Variants in OCA2 observed in about 807,000 individuals in gnomAD.
OCA2 encodes the protein OCA2 melanosomal transmembrane protein, also known as P protein.
OCA2 carries 77 observed loss-of-function variants against 100.2 expected under a neutral mutation model. The ratio of observed to expected loss-of-function variants is 0.77; its 90% CI spans 0.64 to 0.93. The LOEUF is 0.93. Among genes scored for constraint, OCA2 ranks in the 40% least tolerant of loss-of-function variants. OCA2 has a pLI of 0.00. For synonymous variants in OCA2, 432 were observed against 439.2 expected (o/e 0.98, Z 0.21); for missense variants, 1,062 against 1,089.1 (o/e 0.98, Z 0.35).
chr15:27,854,692 G>A (rs141929474), intron 21 of OCA2, among the ~76,000 whole-genome samples: 1 of 152,172 alleles, frequency 6.6e-6, no homozygotes, highest in African/African-American at 2.4e-5. Context: ...TCGGAGGAGT[G>A]AGCGAAGTGC....
At chr15:28,040,124 G>A (rs919974840) in intron 2 of OCA2, among the ~76,000 whole-genome samples, 2 of 152,092 alleles carry the variant, frequency 1.3e-5, no homozygotes, top group African/African-American at 4.8e-5. Context: ...CATGTGAAGA[G>A]GAAGGAAGAG....
intron 18 of OCA2, among the ~76,000 whole-genome samples, chr15:27,936,835 T>A (rs2703952): frequency 2.0e-4 from 30 of 152,172 alleles, no homozygotes; most frequent in African/African-American, 7.2e-4. Context: ...ACCTGGAAGC[T>A]TCTGCGTGGT....
At chr15:28,091,872 T>C (rs1388648685) in intron 1 of OCA2, among the ~76,000 whole-genome samples, 2 of 152,088 alleles carry the variant, frequency 1.3e-5, no homozygotes, top group African/African-American at 2.4e-5. Flanking sequence ...AGGAGAATCA[T>C]TTAAATCCAG....
At chr15:27,923,579 T>C (rs1398758455) in intron 19 of OCA2, among the ~76,000 whole-genome samples, 2 of 152,228 alleles carry the variant, frequency 1.3e-5, no homozygotes, top group African/African-American at 4.8e-5. Flanking sequence ...TGGCATTGCA[T>C]TGTAGTTTTG....
At chr15:27,811,795 C>T (rs1478280240) in intron 23 of OCA2, among the ~76,000 whole-genome samples, 1 of 152,066 alleles carries the variant, frequency 6.6e-6, no homozygotes, top group African/African-American at 2.4e-5. Context: ...AGCTTCCTGA[C>T]CTCTAAAATG....
chr15:27,731,027 G>A, the OCA2 span, among the ~76,000 whole-genome samples: 1 of 151,088 alleles, frequency 6.6e-6, no homozygotes, highest in Non-Finnish European at 1.5e-5. Flanking sequence ...TCTATTACTT[G>A]CAGCCAAAGT....
At chr15:28,088,336 A>G (rs1446532968) in intron 1 of OCA2, among the ~76,000 whole-genome samples, 1 of 152,198 alleles carries the variant, frequency 6.6e-6, no homozygotes, top group Non-Finnish European at 1.5e-5. Context: ...TCTATAACAA[A>G]TGAGAGAGGT....
At chr15:27,770,310 G>A (rs547258773) in intron 23 of OCA2, among the ~76,000 whole-genome samples, 3 of 152,294 alleles carry the variant, frequency 2.0e-5, no homozygotes, top group East Asian at 3.9e-4. Flanking sequence ...ACCCCAAGCC[G>A]GGAGGGGCCA....
chr15:27,740,603 G>A, the OCA2 span, among the ~76,000 whole-genome samples: 1 of 152,222 alleles, frequency 6.6e-6, no homozygotes, highest in Admixed American at 6.5e-5. Flanking sequence ...GAAATGCAGA[G>A]TTGAGTTACA....
intron 22 of OCA2, among the ~76,000 whole-genome samples, chr15:27,846,304 T>C (rs569782224): frequency 1.3e-5 from 2 of 152,180 alleles, no homozygotes; most frequent in South Asian, 4.2e-4. Flanking sequence ...GTGGCCATCA[T>C]TTCTCACTGT....
chr15:27,723,323 T>G, the OCA2 span, among the ~76,000 whole-genome samples: 1 of 152,136 alleles, frequency 6.6e-6, no homozygotes, highest in Admixed American at 6.5e-5. Context: ...AATATTTATT[T>G]AATAAATGGC....
chr15:27,957,443 A>T lies in OCA2; in HGVS notation c.1784+145T>A. 1.0e-6 allele frequency: 1 copy of T among 957,932 alleles called. No individual in the cohort carries two copies. Among genetic ancestry groups the T allele is most frequent in the Non-Finnish European group, 1.6e-6 (1 of 609,548 alleles). 59.3% of individuals were successfully genotyped at this position (957,932 alleles called of 1,614,324 possible). On this transcript the variant is annotated intron_variant, in intron 16 of 23. Coordinates refer to ENST00000354638, the MANE Select transcript of OCA2 (RefSeq NM_000275.3). This position sits in a 1 kb window ranked among gnomAD's most constrained non-coding sequence, Gnocchi z 4.3. The stretch of plus-strand genomic sequence containing the variant: ...CCCCCTGCAGAGCTCAGTGAGGGTT[A>T]GATAAAATGTACTATAAGAGGCTTA...
intron 23 of OCA2, among the ~76,000 whole-genome samples, chr15:27,770,779 A>ATCCTTCCTTCCTCCCTCCCTCTTT (rs1401880885): frequency 3.1e-4 from 19 of 61,736 alleles, no homozygotes; most frequent in East Asian, 8.5e-4. Context: ...CCTCCCTTCC[A>ATCCTTCCTTCCTCCCTCCCTCTTT]TCCTTCCTTC....
chr15:27,882,022 C>T (rs1015503980), intron 19 of OCA2, among the ~76,000 whole-genome samples: 12 of 152,108 alleles, frequency 7.9e-5, no homozygotes, highest in African/African-American at 2.9e-4. Flanking sequence ...CTGTAAATTC[C>T]CCTCTTACCA....
chr15:27,902,426 T>C (rs767505426), intron 19 of OCA2, among the ~76,000 whole-genome samples: 1 of 152,240 alleles, frequency 6.6e-6, no homozygotes, highest in Non-Finnish European at 1.5e-5. Flanking sequence ...CTAATTAAAT[T>C]TATTTTTGAG....
chr15:27,766,913 T>C (rs143523183), intron 23 of OCA2, among the ~76,000 whole-genome samples: 209 of 152,254 alleles, frequency 1.4e-3, no homozygotes, highest in Non-Finnish European at 2.7e-3. Flanking sequence ...TGGAGAGGAT[T>C]TTCCTGTCCT....
At chr15:27,854,725 T>C (rs1567026372) in intron 21 of OCA2, among the ~76,000 whole-genome samples, 1 of 152,212 alleles carries the variant, frequency 6.6e-6, no homozygotes, top group Non-Finnish European at 1.5e-5. Context: ...CAGCCAGTTA[T>C]CAATGAGCAG....
chr15:27,851,165 C>A (rs2035733058), intron 22 of OCA2, among the ~76,000 whole-genome samples: 1 of 152,190 alleles, frequency 6.6e-6, no homozygotes, highest in Non-Finnish European at 1.5e-5. Flanking sequence ...CATCCCCAGG[C>A]AATGGGCCCG....
Position 27,985,146 on chromosome 15 carries a change from T to C in OCA2, c.1282A>G (p.Met428Val), listed in dbSNP as rs748135162. 1 of 1,613,936 alleles carries C rather than the reference T, an allele frequency of 6.2e-7. No homozygotes were observed. Among genetic ancestry groups the C allele is most frequent in the Non-Finnish European group, 8.5e-7 (1 of 1,179,992 alleles). Residue 428 changes from methionine (M) to valine (V), a missense_variant, in exon 13 of 24, where the codon ATG becomes GTG. Transcript: ENST00000354638. ...AGGACGGCCGCGATGAGACAGAGCA[T>C]GATGATCATGGCCCACACCCGTCCC... The part of the protein sequence containing the change: ...SRGRVWAMII[M>V]LCLIAAVLSA...
Sources: allele counts gnomAD v4.1 joint callset (sites outside exome capture counted in the v4.1 genomes callset), GRCh38; gene constraint gnomAD v4.1.1; non-coding constraint Gnocchi (gnomAD v3.1); transcripts MANE v1.5; gene names NCBI Gene and HGNC (gene_info 2026-07-23, HGNC 2026-07-21).